The following MCCC2 variants were observed in gnomAD, a reference collection of about 807,000 sequenced individuals.
MCCC2 encodes the protein methylcrotonoyl-CoA carboxylase beta chain, mitochondrial.
A neutral mutation model predicts 77.2 loss-of-function variants in MCCC2; 52 were observed. The observed-to-expected ratio is 0.67, with a 90% confidence interval of 0.54 to 0.85. The LOEUF is 0.85. Ranked by LOEUF, MCCC2 falls within the 40% of genes least tolerant of loss-of-function variation. The pLI, the probability that MCCC2 is intolerant of heterozygous loss-of-function variation, is 0.00. For missense variants in MCCC2, 682 were observed against 703.2 expected, an observed-to-expected ratio of 0.97 and a Z score of 0.34; for synonymous variants, 253 against 248.4, an observed-to-expected ratio of 1.02 and a Z score of -0.18.
At chr5:71,633,131 A>ATATTTTTTT (rs1554137344) in intron 8 of MCCC2, among the ~76,000 whole-genome samples, 2 of 78,094 alleles carry the variant, frequency 2.6e-5, no homozygotes, top group African/African-American at 1.0e-4. Flanking sequence ...ATATATATAT[A>ATATTTTTTT]TTTTTATTTT....
chr5:71,629,309 G>T (rs1209087401), intron 7 of MCCC2, among the ~76,000 whole-genome samples: 1 of 152,172 alleles, frequency 6.6e-6, no homozygotes, highest in African/African-American at 2.4e-5. Context: ...TAGATTAGTT[G>T]TTGCCAGGGA....
chr5:71,615,780 C>G (rs1413518258), intron 6 of MCCC2, among the ~76,000 whole-genome samples: 1 of 152,114 alleles, frequency 6.6e-6, no homozygotes, highest in African/African-American at 2.4e-5. Context: ...CTAGAAGAAT[C>G]TTTTGTTCTA....
At chr5:71,648,662 C>T (rs1349962885) in intron 13 of MCCC2, among the ~76,000 whole-genome samples, 3 of 152,150 alleles carry the variant, frequency 2.0e-5, no homozygotes, top group Non-Finnish European at 4.4e-5. Context: ...TTGACATCAT[C>T]TCCTTTTTAA....
In MCCC2 at chr5:71,607,125, T is replaced by C. The variant is rs555528192; in HGVS notation, c.624+2657T>C. On this transcript the variant is annotated intron_variant, in intron 6 of 16. Coordinates refer to ENST00000340941, the MANE Select transcript of MCCC2 (RefSeq NM_022132.5). ...TAGGGAGGATTCCCTCTTTTTCTAC[T>C]GATTGGAATAGTTTCAGAAGGAATG... 2.9e-3 allele frequency among the ~76,000 whole-genome samples: 434 copies of C among 152,222 alleles called. 7 individuals are homozygous for C. The South Asian group carries it at 0.037, about 13-fold the overall frequency.
At chr5:71,639,988 G>A (rs897548825) in intron 10 of MCCC2, among the ~76,000 whole-genome samples, 8 of 152,182 alleles carry the variant, frequency 5.3e-5, no homozygotes, top group Non-Finnish European at 1.0e-4. Flanking sequence ...AAAAAGCGAA[G>A]TGCAAACTAT....
At chr5:71,640,275 TTTTA>T (rs1747083875) in intron 10 of MCCC2, among the ~76,000 whole-genome samples, 1 of 152,162 alleles carries the variant, frequency 6.6e-6, no homozygotes. Context: ...TTTTTTACTT[TTTTA>T]TTTTTCTTTT....
intron 15 of MCCC2, among the ~76,000 whole-genome samples, chr5:71,651,002 C>G (rs1165217721): frequency 2.0e-5 from 3 of 152,076 alleles, no homozygotes; most frequent in East Asian, 1.9e-4. Flanking sequence ...CCAGGCTGCT[C>G]TCAAACTCCT....
At chr5:71,634,193 C>G (rs1746839499) in intron 8 of MCCC2, among the ~76,000 whole-genome samples, 1 of 152,162 alleles carries the variant, frequency 6.6e-6, no homozygotes, top group South Asian at 2.1e-4. Flanking sequence ...ATTAGAAAGT[C>G]ATAGTTTATC....
At chr5:71,612,010 G>T (rs186949061) in intron 6 of MCCC2, among the ~76,000 whole-genome samples, 2 of 151,882 alleles carry the variant, frequency 1.3e-5, no homozygotes, top group Admixed American at 6.6e-5. Context: ...GGATGGTCTC[G>T]ATCTCCTGAC....
chr5:71,600,729 C>T (rs535701014), intron 4 of MCCC2, among the ~76,000 whole-genome samples: 42 of 152,290 alleles, frequency 2.8e-4, no homozygotes, highest in Non-Finnish European at 4.7e-4. Flanking sequence ...ATTCTCTTAT[C>T]TGGTGAGTCT....
rs1324803507 is a variant in MCCC2, at chr5:71,657,914, GGTT to G, written c.*1060_*1062del. ...AGTAGGTCTACTGGACATCTGTACT[GGTT>G]GTTGTGGAGGAACCTCTGGCTTGCT... On this transcript the variant is annotated 3_prime_UTR_variant, in exon 17 of 17. Transcript: ENST00000340941. 1 of 152,112 alleles carries G rather than the reference GGTT, an allele frequency of 6.6e-6. No homozygotes were observed. The highest frequency in any genetic ancestry group is 2.4e-5 in the African/African-American group (1 of 41,402). The allele number at this position is 152,112 out of a possible 1,614,324, so 9.4% of individuals were successfully genotyped here.
In MCCC2 at chr5:71,630,313, T is replaced by C. The variant is rs1047895647; in HGVS notation, c.739-1808T>C. Among the ~76,000 whole-genome samples the C allele has an allele frequency of 3.9e-5, 6 of 152,216 alleles. No homozygotes were observed. In the East Asian group the frequency reaches 1.2e-3, roughly 29 times the overall value. On this transcript the variant is annotated intron_variant, in intron 7 of 16. Transcript: ENST00000340941. The stretch of plus-strand genomic sequence containing the variant: ...AAAAAACAGATAGTAAGACAAGTTT[T>C]TGAAGGCGCTTTTTGTTCTCCTGTC...
At chr5:71,611,467 C>T (rs1361083749) in intron 6 of MCCC2, among the ~76,000 whole-genome samples, 1 of 152,148 alleles carries the variant, frequency 6.6e-6, no homozygotes, top group Non-Finnish European at 1.5e-5. Context: ...TAGAGAATAA[C>T]CTAACTGTTC....
rs141446478 is a variant in MCCC2 at position 71,600,022 on chromosome 5, C to T, written c.383+262C>T. ...CTCTACTAAAAATAAAAAAATAAGC[C>T]GGCATGGTGGCACACGCCTGTAGTC... On this transcript the variant is annotated intron_variant, in intron 4 of 16. Transcript: ENST00000340941. 5.3e-3 allele frequency among the ~76,000 whole-genome samples: 799 copies of T among 151,826 alleles called. 14 individuals carry two copies. Among genetic ancestry groups the T allele is most frequent in the African/African-American group, 0.018 (758 of 41,392 alleles).
intron 10 of MCCC2, among the ~76,000 whole-genome samples, chr5:71,638,828 T>A (rs534980811): frequency 1.3e-5 from 2 of 152,150 alleles, no homozygotes; most frequent in African/African-American, 2.4e-5. Flanking sequence ...GCCCAGGAAA[T>A]GTATTTCTTA....
chr5:71,644,194 T>C (rs1486761581), intron 12 of MCCC2, among the ~76,000 whole-genome samples: 1 of 151,996 alleles, frequency 6.6e-6, no homozygotes, highest in Non-Finnish European at 1.5e-5. Flanking sequence ...TTAGGAAAAT[T>C]CTCCTAAGAT....
Position 71,650,075 on chromosome 5 carries a change from A to T in MCCC2, c.1380A>T (p.Arg460Ser). Residue 460 changes from arginine to serine, a missense_variant, in exon 15 of 17, where the codon AGA becomes AGT. Physicochemically the swap from Arg to Ser is moderately radical, Grantham distance 110. Coordinates refer to ENST00000340941, the MANE Select transcript of MCCC2 (RefSeq NM_022132.5). ...CTTCCTTTTCTTCCCCCAGCCCAAGATTTCTCTACATTTGGCCAAATGCTC... is the reference window on the plus strand; with the variant it reads ...CTTCCTTTTCTTCCCCCAGCCCAAGTTTTCTCTACATTTGGCCAAATGCTC... ...YGMCGRAYSP[R>S]FLYIWPNARI... The T allele has an allele frequency of 1.9e-6, 3 of 1,613,760 alleles. No homozygotes were observed. The highest frequency in any genetic ancestry group is 2.5e-6 in the Non-Finnish European group (3 of 1,179,682).
intron 7 of MCCC2, among the ~76,000 whole-genome samples, chr5:71,627,020 C>A (rs1478479407): frequency 6.6e-6 from 1 of 152,150 alleles, no homozygotes; most frequent in East Asian, 1.9e-4. Context: ...CACCTCGGCA[C>A]CACCATTCTA....
chr5:71,599,364 C>T (rs1745334061), intron 3 of MCCC2, among the ~76,000 whole-genome samples: 1 of 151,874 alleles, frequency 6.6e-6, no homozygotes, highest in Non-Finnish European at 1.5e-5. Context: ...GGCAAGACTC[C>T]ATCTCAAAAA....
Sources: gnomAD v4.1 joint callset for allele counts (sites outside exome capture counted in the v4.1 genomes callset) on GRCh38, gnomAD v4.1.1 for gene constraint, MANE v1.5 for transcripts, NCBI Gene and HGNC (gene_info 2026-07-23, HGNC 2026-07-21) for gene names.